The following RBFOX1 variants were observed in gnomAD, a reference collection of about 807,000 sequenced individuals.
RBFOX1 encodes RNA binding protein fox-1 homolog 1.
RBFOX1 carries 8 observed loss-of-function variants against 57.7 expected under a neutral mutation model. The observed-to-expected ratio is 0.14, with a 90% confidence interval of 0.08 to 0.25. The LOEUF is 0.25. Among genes scored for constraint, RBFOX1 ranks in the 10% least tolerant of loss-of-function variants. The probability of loss-of-function intolerance (pLI) is 1.00; values close to 1 mark genes in which losing one functional copy is unlikely to be tolerated. For missense variants in RBFOX1, 611 were observed against 548.5 expected (o/e 1.11, Z -1.14); for synonymous variants, 326 against 222.4 (o/e 1.47, Z -4.15).
chr16:6,135,786 T>TG (rs2096662519), intron 1 of RBFOX1, among the ~76,000 whole-genome samples: 1 of 81,132 alleles, frequency 1.2e-5, no homozygotes, highest in Non-Finnish European at 2.3e-5. Context: ...TCGTTTCGAC[T>TG]TTTTTTTTTT....
chr16:6,353,838 G>A (rs1017317974), intron 2 of RBFOX1, among the ~76,000 whole-genome samples: 11 of 152,150 alleles, frequency 7.2e-5, no homozygotes, highest in Admixed American at 3.3e-4. Context: ...CACATGACAC[G>A]TTCCTGGGCT....
At chr16:7,351,319 C>A (rs559190231) in intron 4 of RBFOX1, among the ~76,000 whole-genome samples, 1 of 152,236 alleles carries the variant, frequency 6.6e-6, no homozygotes, top group Non-Finnish European at 1.5e-5. Context: ...AAGGTTATTA[C>A]GCATTGACTG....
At chr16:6,948,612 C>A (rs565559972) in intron 3 of RBFOX1, among the ~76,000 whole-genome samples, 6 of 151,912 alleles carry the variant, frequency 3.9e-5, no homozygotes, top group Non-Finnish European at 8.8e-5. Context: ...GAACTGCTGA[C>A]TTCAAATGAT....
At chr16:5,833,466 G>A (rs1275869096) in intron 3 of RBFOX1, among the ~76,000 whole-genome samples, 2 of 144,222 alleles carry the variant, frequency 1.4e-5, no homozygotes, top group East Asian at 4.1e-4. Flanking sequence ...CTGCACTCCA[G>A]CCTGGGCGAC....
intron 1 of RBFOX1, among the ~76,000 whole-genome samples, chr16:5,430,026 T>A (rs568402693): frequency 1.2e-4 from 18 of 151,848 alleles, no homozygotes; most frequent in African/African-American, 4.3e-4. Flanking sequence ...GCAAAAGGAG[T>A]TTGGTTTTAT....
intron 2 of RBFOX1, among the ~76,000 whole-genome samples, chr16:6,543,260 G>C (rs182140539): frequency 1.3e-5 from 2 of 152,206 alleles, no homozygotes; most frequent in African/African-American, 2.4e-5. Flanking sequence ...GCCACCGTTA[G>C]CTGTGAGCTC....
At chr16:7,063,707 A>G (rs902665103) in intron 4 of RBFOX1, among the ~76,000 whole-genome samples, 1 of 152,162 alleles carries the variant, frequency 6.6e-6, no homozygotes, top group African/African-American at 2.4e-5. Flanking sequence ...TTTAGGGGGA[A>G]AAAAAACCCA....
At chr16:7,584,028 G>A (rs1299322637) in intron 6 of RBFOX1, among the ~76,000 whole-genome samples, 1 of 152,182 alleles carries the variant, frequency 6.6e-6, no homozygotes, top group African/African-American at 2.4e-5. Context: ...CCATGATGTT[G>A]TGAGTGAAGT....
At chr16:7,278,995 T>C (rs1395037522) in intron 4 of RBFOX1, among the ~76,000 whole-genome samples, 3 of 152,262 alleles carry the variant, frequency 2.0e-5, no homozygotes, top group Admixed American at 2.0e-4. Context: ...ATATTTCTCT[T>C]AAGAGCTGGA....
intron 3 of RBFOX1, among the ~76,000 whole-genome samples, chr16:6,881,042 A>G (rs1474029351): frequency 2.0e-5 from 3 of 152,298 alleles, no homozygotes; most frequent in Admixed American, 1.3e-4. Context: ...TTCCCCTCCT[A>G]TGCCTGTGGC....
At chr16:7,467,574 A>G (rs1199770543) in intron 4 of RBFOX1, among the ~76,000 whole-genome samples, 1 of 152,224 alleles carries the variant, frequency 6.6e-6, no homozygotes, top group Non-Finnish European at 1.5e-5. Flanking sequence ...CAGCTCTGTC[A>G]TTTAGTAGCT....
At chr16:5,583,050 C>T (rs1286843187) in intron 2 of RBFOX1, among the ~76,000 whole-genome samples, 1 of 152,196 alleles carries the variant, frequency 6.6e-6, no homozygotes, top group East Asian at 1.9e-4. Flanking sequence ...AGAAAGGTAA[C>T]ATGCCCAAGT....
chr16:7,035,006 C>G (rs977953032), intron 3 of RBFOX1, among the ~76,000 whole-genome samples: 1 of 148,254 alleles, frequency 6.7e-6, no homozygotes. Flanking sequence ...CACCACCATG[C>G]CTGGCTAATT....
At chr16:6,640,499 T>G (rs1445157209) in intron 2 of RBFOX1, among the ~76,000 whole-genome samples, 1 of 152,018 alleles carries the variant, frequency 6.6e-6, no homozygotes. Flanking sequence ...TCCCAGGTAC[T>G]TGGGAGGCTG....
At chr16:6,639,403 C>T (rs140721485) in intron 2 of RBFOX1, among the ~76,000 whole-genome samples, 6 of 152,238 alleles carry the variant, frequency 3.9e-5, no homozygotes, top group South Asian at 2.1e-4. Flanking sequence ...CCCAGGAGAA[C>T]GTGTCCTGTT....
At chr16:5,608,314 A>G (rs2047659916) in intron 3 of RBFOX1, among the ~76,000 whole-genome samples, 1 of 152,208 alleles carries the variant, frequency 6.6e-6, no homozygotes, top group South Asian at 2.1e-4. Flanking sequence ...TGTTTCCGTA[A>G]CAGCAGCAGC....
In RBFOX1 at chr16:6,687,029, T is replaced by G. The variant is rs73533766; in HGVS notation, c.-16+32379T>G. 9.3e-3 allele frequency among the ~76,000 whole-genome samples: 1,417 copies of G among 152,344 alleles called. 20 individuals are homozygous for G. The highest frequency in any genetic ancestry group is 0.032 in the African/African-American group (1,329 of 41,582). On this transcript the variant is annotated intron_variant, in intron 3 of 15. Coordinates refer to ENST00000550418, the MANE Select transcript of RBFOX1 (RefSeq NM_018723.4). Reference sequence around the variant, plus strand: ...CATGGAAAAGCATGGTTAAACTCATTTCAGAAATCTTTGCAGTGTTAAAAA... The same window carrying G: ...CATGGAAAAGCATGGTTAAACTCATGTCAGAAATCTTTGCAGTGTTAAAAA...
chr16:5,884,168 G>A (rs1294309979), intron 4 of RBFOX1, among the ~76,000 whole-genome samples: 7 of 152,284 alleles, frequency 4.6e-5, no homozygotes, highest in Middle Eastern at 3.4e-3. Flanking sequence ...ATAGCAAGTT[G>A]TCAGTAAATG....
intron 2 of RBFOX1, among the ~76,000 whole-genome samples, chr16:6,580,945 T>C (rs560018756): frequency 6.7e-6 from 1 of 149,900 alleles, no homozygotes; most frequent in South Asian, 2.1e-4. Context: ...TCCCCCAAAA[T>C]CATAATTGCA....
Sources: gnomAD v4.1 joint callset for allele counts (sites outside exome capture counted in the v4.1 genomes callset) on GRCh38, gnomAD v4.1.1 for gene constraint, MANE v1.5 for transcripts, NCBI Gene and HGNC (gene_info 2026-07-23, HGNC 2026-07-21) for gene names.